The following ZNF330 variants were observed in gnomAD, a reference collection of about 807,000 sequenced individuals.
The protein encoded by ZNF330 is zinc finger protein 330.
A neutral mutation model predicts 45.5 loss-of-function variants in ZNF330; 31 were observed. The observed-to-expected ratio is 0.68, with a 90% CI of 0.51 to 0.92. The LOEUF (loss-of-function observed/expected upper bound fraction) is 0.92. Among genes scored for constraint, ZNF330 ranks in the 40% least tolerant of loss-of-function variants. The pLI is 0.00. For synonymous variants in ZNF330, 138 were observed against 123.2 expected (o/e 1.12, Z -0.79); for missense variants, 356 against 387.4 (o/e 0.92, Z 0.68).
At chr4:141,233,380 G>A (rs541063653) in intron 9 of ZNF330, among the ~76,000 whole-genome samples, 1 of 152,240 alleles carries the variant, frequency 6.6e-6, no homozygotes, top group Admixed American at 6.5e-5. Context: ...TAAGAAAAAT[G>A]TACTGATACG....
rs1729028824 is a variant in ZNF330, at chr4:141,234,217, T to C, written c.*228T>C. ...TTAAGATGTTTATTGATCGAAGCAATTGAAGTATCATGGATTGGATTGTTA... is the reference window on the plus strand; with the variant it reads ...TTAAGATGTTTATTGATCGAAGCAACTGAAGTATCATGGATTGGATTGTTA... On this transcript the variant is annotated 3_prime_UTR_variant, in exon 10 of 10. Transcript: ENST00000262990. The C allele has an allele frequency of 1.3e-6, 1 of 741,282 alleles. No homozygotes were observed. Among genetic ancestry groups the C allele is most frequent in the Non-Finnish European group, 1.9e-6 (1 of 529,918 alleles). The allele number at this position is 741,282 out of a possible 1,614,324, so 45.9% of individuals were successfully genotyped here.
chr4:141,224,659 C>G lies in ZNF330; in HGVS notation c.193C>G (p.Pro65Ala), dbSNP rs1045287795. The G allele has an allele frequency of 6.2e-7, 1 of 1,613,316 alleles. No individual in the cohort carries two copies. The highest frequency in any genetic ancestry group is 8.5e-7 in the Non-Finnish European group (1 of 1,179,490). ...CTTTTGTAATTCTGTACAGAAGTTA[C>G]CAATTTGTGCACAGTGTGGTAAGTT... is the stretch of plus-strand genomic sequence containing the variant. Reference protein sequence around the residue: ...CYFCNSVQKLPICAQCGKTKC... With the variant: ...CYFCNSVQKLAICAQCGKTKC... Residue 65 changes from proline to alanine, a missense_variant, in exon 4 of 10, where the codon CCA (proline) becomes GCA (alanine). By Grantham distance (27) the Pro-to-Ala change is conservative. Transcript: ENST00000262990.
rs1728905471 is a variant in ZNF330 at position 141,229,767 on chromosome 4, G to C, written c.418+70G>C. The C allele has an allele frequency of 2.5e-6, 4 of 1,596,884 alleles. No homozygotes were observed. In the Admixed American group the frequency reaches 6.7e-5, roughly 27 times the overall value. ...TTGACTTTGAAACATTTTGAATGCT[G>C]TTTTTGAGATTTTTTTCAGGATACT... is the stretch of plus-strand genomic sequence containing the variant. On this transcript the variant is annotated intron_variant, in intron 6 of 9. Transcript: ENST00000262990.
At chr4:141,221,770 G>A (rs1324054675) in intron 1 of ZNF330, among the ~76,000 whole-genome samples, 3 of 141,148 alleles carry the variant, frequency 2.1e-5, no homozygotes, top group Admixed American at 6.9e-5. Flanking sequence ...CTCACTGCGT[G>A]TAGAGGGAAG....
intron 4 of ZNF330, among the ~76,000 whole-genome samples, chr4:141,225,886 T>G (rs181596016): frequency 3.3e-5 from 5 of 152,216 alleles, no homozygotes; most frequent in Admixed American, 3.3e-4. Flanking sequence ...GATGGATACA[T>G]TTCTCATTTA....
intron 5 of ZNF330, among the ~76,000 whole-genome samples, chr4:141,228,746 C>T (rs577494595): frequency 1.4e-4 from 21 of 152,168 alleles, no homozygotes; most frequent in Admixed American, 3.3e-4. Context: ...GTTTCAGAGC[C>T]TTGAATAATA....
chr4:141,228,342 C>T (rs1487968404), intron 5 of ZNF330, among the ~76,000 whole-genome samples: 1 of 152,012 alleles, frequency 6.6e-6, no homozygotes, highest in African/African-American at 2.4e-5. Context: ...AGTCATATAT[C>T]TTTAGTTGTA....
intron 8 of ZNF330, among the ~76,000 whole-genome samples, chr4:141,231,965 T>A (rs1251073012): frequency 6.6e-6 from 1 of 152,128 alleles, no homozygotes; most frequent in Non-Finnish European, 1.5e-5. Context: ...ATCTTCCAAC[T>A]CTGTTCTAGT....
chr4:141,222,404 G>A lies in ZNF330; in HGVS notation c.33G>A (p.Lys11=). 1 of 1,613,548 alleles carries A rather than the reference G, an allele frequency of 6.2e-7. No homozygotes were observed. The highest frequency in any genetic ancestry group is 1.1e-5 in the South Asian group (1 of 91,004). MPKKKTGARK[K]AENRREREKQ... ...AAAAAAAGACTGGTGCGAGGAAGAA[G>A]GCTGAGAACCGCCGAGAACGTGAAA... The change falls in exon 2 of 10, where the codon AAG becomes AAA. Residue 11 remains lysine (K), a synonymous_variant. Coordinates refer to ENST00000262990, the MANE Select transcript of ZNF330 (RefSeq NM_014487.6).
intron 8 of ZNF330, 127 bp from the exon 9 acceptor site, chr4:141,232,398 G>T: frequency 2.1e-6 from 1 of 470,450 alleles, no homozygotes; most frequent in Non-Finnish European, 3.7e-6. Flanking sequence ...TGAGAAGTGT[G>T]ACTGCTCCCA....
rs1267207909 is a variant in ZNF330 at position 141,222,547 on chromosome 4, C to T, written c.120+56C>T. On this transcript the variant is annotated intron_variant, in intron 2 of 9. Transcript: ENST00000262990. Reference sequence around the variant, plus strand: ...TTGGAAAAACTATATACTATTTTATCTGACGTATACCTGAATAAAATTTTA... The same window carrying T: ...TTGGAAAAACTATATACTATTTTATTTGACGTATACCTGAATAAAATTTTA... The T allele has an allele frequency of 1.5e-5, 24 of 1,571,216 alleles. No individual in the cohort carries two copies. In the East Asian group the frequency reaches 4.3e-4, roughly 28 times the overall value.
Position 141,233,875 on chromosome 4 carries a change from A to G in ZNF330, c.849A>G (p.Glu283=), listed in dbSNP as rs1309371778. The G allele has an allele frequency of 6.2e-7, 1 of 1,613,742 alleles. No individual in the cohort carries two copies. The highest frequency in any genetic ancestry group is 8.5e-7 in the Non-Finnish European group (1 of 1,179,802). Reference sequence around the variant, plus strand: ...ATGAAGCAGAGGATGATGAAGAGGAAGAAGATGAAGGCAGAAAGGATTCAG... The same window carrying G: ...ATGAAGCAGAGGATGATGAAGAGGAGGAAGATGAAGGCAGAAAGGATTCAG... ...DEYEAEDDEE[E]EDEGRKDSDT... The change falls in exon 10 of 10, where the codon GAA becomes GAG. Residue 283 remains glutamate, a synonymous_variant. Transcript: ENST00000262990.
chr4:141,224,030 G>T, intron 2 of ZNF330: 1 of 286,828 alleles, frequency 3.5e-6, no homozygotes, highest in Non-Finnish European at 6.9e-6. Flanking sequence ...ACCATGTTTA[G>T]GAATCTGGAT....
rs772563859 is a variant in ZNF330 at position 141,226,825 on chromosome 4, C to T, written c.270C>T (p.Tyr90=). The change falls in exon 5 of 10, where the codon TAC becomes TAT. Residue 90 remains tyrosine (Y), a synonymous_variant. Coordinates refer to ENST00000262990, the MANE Select transcript of ZNF330 (RefSeq NM_014487.6). ...SDCVIKHAGV[Y]STGLAMVGAI... is the part of the protein sequence containing the mutation. Reference sequence around the variant, plus strand: ...GTGTCATAAAGCATGCTGGTGTATACAGTACTGGCCTTGCAATGGTGGTAA... The same window carrying T: ...GTGTCATAAAGCATGCTGGTGTATATAGTACTGGCCTTGCAATGGTGGTAA... The T allele has an allele frequency of 1.2e-5, 20 of 1,612,204 alleles. 1 individual carries two copies. The South Asian group carries it at 2.2e-4, about 18-fold the overall frequency.
At position 141,222,378 on chromosome 4, in the gene ZNF330, A is replaced by T; in HGVS notation, c.7A>T (p.Lys3Ter). 1.2e-6 allele frequency: 2 copies of T among 1,604,440 alleles called. No homozygotes were observed. The highest frequency in any genetic ancestry group is 2.2e-5 in the South Asian group (2 of 89,998). ...TGTGTCAAAATAGGGGAAAATGCCT[A>T]AAAAAAAGACTGGTGCGAGGAAGAA... MP[K>*]KKTGARKKAE... The change falls in exon 2 of 10, where the codon AAA becomes TAA. Residue 3 changes from lysine to a stop codon, truncating the protein, a stop_gained. Transcript: ENST00000262990. LOFTEE classifies it high-confidence loss of function.
At chr4:141,223,896 A>G (rs1405450698) in intron 2 of ZNF330, 6 of 436,062 alleles carry the variant, frequency 1.4e-5, no homozygotes, top group Non-Finnish European at 2.7e-5. Context: ...AAGTAAAGAC[A>G]TGGAGAAGAG....
chr4:141,226,518 CATAT>C (rs1310317031), intron 4 of ZNF330, among the ~76,000 whole-genome samples: 1 of 152,000 alleles, frequency 6.6e-6, no homozygotes, highest in Non-Finnish European at 1.5e-5. Flanking sequence ...TACAAATTAG[CATAT>C]ATATTGTATA....
At chr4:141,230,111 GT>G (rs1728912401) in intron 6 of ZNF330, 54 bp from the exon 7 acceptor site, 4 of 1,319,240 alleles carry the variant, frequency 3.0e-6, no homozygotes, top group East Asian at 2.3e-5. Context: ...ATAGATATGA[GT>G]TTTTTTAAAT....
chr4:141,234,092 T>G lies in ZNF330; in HGVS notation c.*103T>G. 1.3e-6 allele frequency: 2 copies of G among 1,490,234 alleles called. No individual in the cohort carries two copies. The highest frequency in any genetic ancestry group is 1.4e-5 in the South Asian group (1 of 71,424). 92.3% of individuals were successfully genotyped at this position (1,490,234 alleles called of 1,614,324 possible). A position where few individuals can be genotyped will look rare whatever the true frequency, so the allele number is the denominator to read the frequency against. ...AAAGTACCTTAGCCACTTAGCCTTG[T>G]GCAGAAGACTAGTTACACTTAATGG... On this transcript the variant is annotated 3_prime_UTR_variant, in exon 10 of 10. Transcript: ENST00000262990.
Sources: gnomAD v4.1 joint callset for allele counts (sites outside exome capture counted in the v4.1 genomes callset) on GRCh38, gnomAD v4.1.1 for gene constraint, MANE v1.5 for transcripts, NCBI Gene and HGNC (gene_info 2026-07-23, HGNC 2026-07-21) for gene names.